INTS4: variants seen among roughly 807,000 people sequenced by gnomAD.
INTS4 encodes the protein MSTP093.
INTS4 carries 70 observed loss-of-function variants against 119.5 expected under a neutral mutation model. The observed-to-expected ratio is 0.59, with a 90% confidence interval of 0.48 to 0.71. The LOEUF (loss-of-function observed/expected upper bound fraction) is 0.71. INTS4 is among the 30% of genes least tolerant of loss of function. The pLI is 0.00. For synonymous variants in INTS4, 316 were observed against 419.6 expected (o/e 0.75, Z 3.02); for missense variants, 867 against 1,173.2 (o/e 0.74, Z 3.81).
chr11:77,907,951 G>A (rs1280331389), intron 15 of INTS4, 141 bp from the exon 16 acceptor site: 6 of 578,546 alleles, frequency 1.0e-5, no homozygotes, highest in Non-Finnish European at 1.8e-5. Flanking sequence ...TGCTGGAGTG[G>A]TTATAATAAA....
Position 77,883,174 on chromosome 11 carries a change from C to T in INTS4, c.2713+658G>A, listed in dbSNP as rs146843456. ...AGGCATTCCCTATCTCTAAAATAAA[C>T]CAAATTTGGTGGCATTAAACACCTC... On this transcript the variant is annotated intron_variant, in intron 22 of 22. Transcript: ENST00000534064. 5.3e-3 allele frequency among the ~76,000 whole-genome samples: 810 copies of T among 152,118 alleles called. 5 individuals carry two copies. Among genetic ancestry groups the T allele is most frequent in the Middle Eastern group, 0.017 (5 of 294 alleles).
At chr11:77,983,739 A>G (rs1248552021) in intron 2 of INTS4, among the ~76,000 whole-genome samples, 1 of 152,234 alleles carries the variant, frequency 6.6e-6, no homozygotes, top group Non-Finnish European at 1.5e-5. Context: ...GGGATGTAAA[A>G]CAGCAAAGCC....
At chr11:77,955,678 T>A (rs928530005) in intron 8 of INTS4, among the ~76,000 whole-genome samples, 2 of 152,134 alleles carry the variant, frequency 1.3e-5, no homozygotes, top group African/African-American at 4.8e-5. Flanking sequence ...GTATTTTTAG[T>A]AGAGACGGGA....
chr11:77,954,823 C>CCATG (rs1267727770), intron 8 of INTS4, among the ~76,000 whole-genome samples: 1 of 152,178 alleles, frequency 6.6e-6, no homozygotes, highest in African/African-American at 2.4e-5. Flanking sequence ...TCCTAACAAG[C>CCATG]CATGGACCAG....
At chr11:77,912,088 G>A (rs187167690) in intron 15 of INTS4, among the ~76,000 whole-genome samples, 8 of 151,930 alleles carry the variant, frequency 5.3e-5, no homozygotes, top group South Asian at 2.1e-4. Flanking sequence ...ACGGCTAGGC[G>A]CGGTGGCTCA....
chr11:77,961,118 A>G lies in INTS4; in HGVS notation c.492T>C (p.His164=), dbSNP rs766907603. 2 of 1,597,244 alleles carry G rather than the reference A, an allele frequency of 1.3e-6. No individual in the cohort carries two copies. The highest frequency in any genetic ancestry group is 1.1e-5 in the South Asian group (1 of 88,790). The change falls in exon 5 of 23, where the codon CAT becomes CAC. Residue 164 remains histidine, a synonymous_variant. Coordinates refer to ENST00000534064, the MANE Select transcript of INTS4 (RefSeq NM_033547.4). The stretch of plus-strand genomic sequence containing the variant: ...ACTGCAGGCACTTATTTCTTACACC[A>G]TGAGACGTATCTGTCAGATGCTATT... ...VACKHLTDTS[H]GVRNKCLQLL...
intron 21 of INTS4, among the ~76,000 whole-genome samples, chr11:77,889,879 A>C (rs1952188327): frequency 6.6e-6 from 1 of 152,122 alleles, no homozygotes; most frequent in African/African-American, 2.4e-5. Context: ...ACAGTCTAGG[A>C]GATGACCCTT....
rs538241695 is a variant in INTS4 at position 77,950,374 on chromosome 11, T to C, written c.918+5568A>G. Among the ~76,000 whole-genome samples, 371 of 150,924 alleles carry C rather than the reference T, an allele frequency of 2.5e-3. 1 individual carries two copies. The highest frequency in any genetic ancestry group is 3.9e-3 in the Non-Finnish European group (261 of 67,622). On this transcript the variant is annotated intron_variant, in intron 8 of 22. Coordinates refer to ENST00000534064, the MANE Select transcript of INTS4 (RefSeq NM_033547.4). Reference sequence around the variant, plus strand: ...AGAACTTAAAGTATTAAAAAAAAAATTGATATCATAGAGGCAGAGAGTATA... The same window carrying C: ...AGAACTTAAAGTATTAAAAAAAAAACTGATATCATAGAGGCAGAGAGTATA...
intron 9 of INTS4, among the ~76,000 whole-genome samples, chr11:77,940,532 T>A (rs1271418042): frequency 6.6e-6 from 1 of 152,006 alleles, no homozygotes; most frequent in Admixed American, 6.6e-5. Flanking sequence ...TGAAAAGGAG[T>A]CCTAAAATGT....
At chr11:77,990,075 T>C (rs535814134) in intron 2 of INTS4, among the ~76,000 whole-genome samples, 3 of 151,508 alleles carry the variant, frequency 2.0e-5, no homozygotes, top group Admixed American at 2.0e-4. Context: ...AAAAATTAGC[T>C]GGGTGTGGTG....
intron 15 of INTS4, among the ~76,000 whole-genome samples, chr11:77,917,417 G>A (rs1281982102): frequency 2.6e-5 from 4 of 151,042 alleles, no homozygotes; most frequent in Middle Eastern, 6.8e-3. Context: ...GAGTTCAAGC[G>A]ATCCTTGTGC....
intron 18 of INTS4, among the ~76,000 whole-genome samples, chr11:77,897,680 T>TG (rs1952589736): frequency 6.6e-6 from 1 of 151,280 alleles, no homozygotes; most frequent in African/African-American, 2.4e-5. Flanking sequence ...TTTTTTTTTT[T>TG]ATTTTTAGTA....
At chr11:77,958,482 G>C (rs1954385357) in intron 7 of INTS4, among the ~76,000 whole-genome samples, 1 of 152,176 alleles carries the variant, frequency 6.6e-6, no homozygotes, top group Admixed American at 6.5e-5. Flanking sequence ...ATTTAAGAAA[G>C]ATATTCCAAT....
At chr11:77,992,478 A>T (rs1399222635) in intron 1 of INTS4, among the ~76,000 whole-genome samples, 1 of 152,142 alleles carries the variant, frequency 6.6e-6, no homozygotes. Flanking sequence ...AGGCAGGAGG[A>T]TCCCTTGAGC....
intron 2 of INTS4, among the ~76,000 whole-genome samples, chr11:77,984,043 T>C (rs1856356768): frequency 6.6e-6 from 1 of 152,152 alleles, no homozygotes; most frequent in African/African-American, 2.4e-5. Context: ...TGGAATATTA[T>C]TTAGCCTTAA....
At chr11:77,929,043 C>CA (rs1330614863) in intron 10 of INTS4, among the ~76,000 whole-genome samples, 1 of 149,528 alleles carries the variant, frequency 6.7e-6, no homozygotes, top group African/African-American at 2.5e-5. Flanking sequence ...ACTCCAAAAA[C>CA]AAAAAAACAA....
intron 6 of INTS4, 40 bp from the exon 7 acceptor site, chr11:77,958,874 C>T: frequency 1.6e-6 from 2 of 1,240,402 alleles, no homozygotes; most frequent in Non-Finnish European, 2.4e-6. Flanking sequence ...GTTCTGTGTC[C>T]TCTCAGGCAA....
At chr11:77,978,792 T>C in intron 4 of INTS4, 1 of 339,866 alleles carries the variant, frequency 2.9e-6, no homozygotes, top group South Asian at 4.0e-5. Context: ...TTAGGCACAA[T>C]ATACACAGTA....
chr11:77,897,842 T>G (rs1420700512), intron 18 of INTS4, among the ~76,000 whole-genome samples: 2 of 152,014 alleles, frequency 1.3e-5, no homozygotes, highest in Non-Finnish European at 2.9e-5. Flanking sequence ...AGGGTCTTGT[T>G]CTGTTGCCCA....
Sources: gnomAD v4.1 joint callset for allele counts (sites outside exome capture counted in the v4.1 genomes callset) on GRCh38, gnomAD v4.1.1 for gene constraint, MANE v1.5 for transcripts, NCBI Gene and HGNC (gene_info 2026-07-23, HGNC 2026-07-21) for gene names.